TNC: variants seen among roughly 807,000 people sequenced by gnomAD.
The protein encoded by TNC is tenascin.
A neutral mutation model predicts 202.4 loss-of-function variants in TNC; 109 were observed. The ratio of observed to expected loss-of-function variants is 0.54; its 90% CI spans 0.46 to 0.63. The LOEUF (loss-of-function observed/expected upper bound fraction) is 0.63, where lower values mean the gene tolerates loss of function less well. Ranked by LOEUF, TNC falls within the 30% of genes least tolerant of loss-of-function variation. TNC has a pLI of 0.00. For missense variants in TNC, 2,756 were observed against 2,833.3 expected (o/e 0.97, Z 0.62); for synonymous variants, 1,007 against 1,089.7 (o/e 0.92, Z 1.50).
chr9:115,103,548 C>T (rs576007764), intron 1 of TNC, among the ~76,000 whole-genome samples: 2 of 152,282 alleles, frequency 1.3e-5, no homozygotes, highest in African/African-American at 2.4e-5. Flanking sequence ...GTCTGACCAA[C>T]AGGGTCATTG....
intron 18 of TNC, among the ~76,000 whole-genome samples, chr9:115,041,313 G>T (rs1216339897): frequency 2.2e-5 from 3 of 134,764 alleles, no homozygotes; most frequent in South Asian, 2.3e-4. Flanking sequence ...GAGGGGCGGG[G>T]GAAAACATGA....
chr9:115,087,979 A>C (rs1834927746), intron 2 of TNC, among the ~76,000 whole-genome samples: 1 of 152,196 alleles, frequency 6.6e-6, no homozygotes, highest in South Asian at 2.1e-4. Flanking sequence ...CTGGGATTAC[A>C]GGTGTGAGCC....
At chr9:115,048,161 G>T in intron 16 of TNC, 99 bp downstream of exon 16, 2 of 1,397,670 alleles carry the variant, frequency 1.4e-6, no homozygotes, top group Non-Finnish European at 2.0e-6. Flanking sequence ...ATTAAGTAGG[G>T]AATGTGAACA....
chr9:115,076,606 C>T (rs377515567), intron 7 of TNC, 31 bp from the exon 8 acceptor site: 46 of 1,608,856 alleles, frequency 2.9e-5, no homozygotes, highest in Non-Finnish European at 3.7e-5. Context: ...TTGTATTGAA[C>T]ATATCAGTCA....
At chr9:115,027,568 C>A (rs541262261) in intron 25 of TNC, among the ~76,000 whole-genome samples, 2 of 152,004 alleles carry the variant, frequency 1.3e-5, no homozygotes, top group Admixed American at 6.5e-5. Flanking sequence ...CCAGCCTCGG[C>A]GACAGAGTGA....
chr9:115,073,536 C>A, intron 10 of TNC, 67 bp downstream of exon 10: 1 of 1,555,924 alleles, frequency 6.4e-7, no homozygotes, highest in Non-Finnish European at 8.7e-7. Flanking sequence ...TGAGGACACC[C>A]TGGCTGAGGA....
Position 115,086,784 on chromosome 9 carries a change from G to C in TNC, c.947C>G (p.Pro316Arg). 1 of 1,613,914 alleles carries C rather than the reference G, an allele frequency of 6.2e-7. No homozygotes were observed. The highest frequency in any genetic ancestry group is 8.5e-7 in the Non-Finnish European group (1 of 1,180,008). Residue 316 changes from proline (P) to arginine (R), a missense_variant, in exon 3 of 28, where the codon CCC (proline) becomes CGC (arginine). Transcript: ENST00000350763. The part of the protein sequence containing the change: ...TGEDCSELIC[P>R]NDCFDRGRCI... ...GCGGCCCCGGTCGAAGCAGTCATTG[G>C]GGCAGATGAGCTCACTGCAGTCTTC... is the stretch of plus-strand genomic sequence containing the variant.
Position 115,078,070 on chromosome 9 carries a change from G to A in TNC, c.2547C>T (p.Ile849=), listed in dbSNP as rs753985056. The A allele has an allele frequency of 1.6e-5, 26 of 1,613,980 alleles. No individual in the cohort carries two copies. In the Admixed American group the frequency reaches 1.8e-4, roughly 11 times the overall value. ...IKDVPGDRTT[I]DLTEDENQYS... is the part of the protein sequence containing the mutation. Reference sequence around the variant, plus strand: ...ACTGGTTCTCGTCCTCTGTGAGATCGATGGTGGTACGGTCTCCTGGCACGT... The same window carrying A: ...ACTGGTTCTCGTCCTCTGTGAGATCAATGGTGGTACGGTCTCCTGGCACGT... The change falls in exon 7 of 28, where the codon ATC becomes ATT. Residue 849 remains isoleucine, a synonymous_variant. Coordinates refer to ENST00000350763, the MANE Select transcript of TNC (RefSeq NM_002160.4).
intron 17 of TNC, among the ~76,000 whole-genome samples, chr9:115,042,659 G>T (rs559736558): frequency 4.6e-5 from 7 of 152,216 alleles, no homozygotes; most frequent in East Asian, 1.9e-4. Context: ...GTTCATTTTT[G>T]ATTTTTAACA....
chr9:115,036,823 T>G (rs956659701), intron 20 of TNC, among the ~76,000 whole-genome samples: 2 of 152,168 alleles, frequency 1.3e-5, no homozygotes, highest in African/African-American at 4.8e-5. Context: ...TATTCACAGG[T>G]GACCAACCAT....
intron 27 of TNC, among the ~76,000 whole-genome samples, chr9:115,021,642 A>C (rs184432770): frequency 1.6e-4 from 24 of 152,248 alleles, no homozygotes; most frequent in Non-Finnish European, 3.2e-4. Flanking sequence ...AGCTACATAC[A>C]TGGTGTGTGT....
Position 115,020,452 on chromosome 9 carries a change from C to T in TNC, c.*705G>A. 1 of 193,230 alleles carries T rather than the reference C, an allele frequency of 5.2e-6. No individual in the cohort carries two copies. 12.0% of individuals were successfully genotyped at this position (193,230 alleles called of 1,614,324 possible). On this transcript the variant is annotated 3_prime_UTR_variant, in exon 28 of 28. Coordinates refer to ENST00000350763, the MANE Select transcript of TNC (RefSeq NM_002160.4). ...TTGACCACTATCCCTACTTACCTTT[C>T]CTATCCCAACATTCCCCGCTTTGTT...
intron 22 of TNC, among the ~76,000 whole-genome samples, chr9:115,032,967 A>G (rs770964959): frequency 2.6e-5 from 4 of 152,216 alleles, no homozygotes; most frequent in Admixed American, 6.5e-5. Flanking sequence ...ACCAAGCACA[A>G]CGATCTTCTC....
In TNC at chr9:115,046,518, G is replaced by A. The variant is rs1022827191; in HGVS notation, c.5017C>T (p.Arg1673Cys). ...CTGAGACCTGTTATGTCCCTGGTAC[G>A]TTCGGGGGCAAGTAGGGTTATTTCC... is the stretch of plus-strand genomic sequence containing the variant. ...PLEITLLAPE[R>C]TRDITGLREA... The change falls in exon 17 of 28, where the codon CGT (arginine) becomes TGT (cysteine). Residue 1673 changes from arginine (R) to cysteine (C), a missense_variant. Around this residue, in one of 2 missense-constraint regions of TNC, gnomAD observed 2,559 missense variants for 2,546.0 expected, o/e 1.01. Transcript: ENST00000350763. 30 of 1,613,988 alleles carry A rather than the reference G, an allele frequency of 1.9e-5. No homozygotes were observed. The highest frequency in any genetic ancestry group is 2.5e-5 in the Non-Finnish European group (30 of 1,180,004).
chr9:115,039,399 A>G (rs959940363), intron 19 of TNC, among the ~76,000 whole-genome samples: 2 of 152,192 alleles, frequency 1.3e-5, no homozygotes, highest in Admixed American at 6.5e-5. Context: ...TGTTATTAAG[A>G]TCTCTATTAA....
intron 6 of TNC, 48 bp from the exon 7 acceptor site, chr9:115,078,260 C>G: frequency 6.4e-7 from 1 of 1,554,556 alleles, no homozygotes; most frequent in Non-Finnish European, 8.7e-7. Flanking sequence ...GGGCCATTGC[C>G]TGAGGCTTAG....
At chr9:115,106,212 T>TG (rs1361358166) in intron 1 of TNC, among the ~76,000 whole-genome samples, 1 of 152,168 alleles carries the variant, frequency 6.6e-6, no homozygotes, top group Non-Finnish European at 1.5e-5. Flanking sequence ...TTACCAACTC[T>TG]GGGAATTAGG....
rs1285710532 is a variant in TNC, at chr9:115,026,668, G to A, written c.6197C>T (p.Ala2066Val). The A allele has an allele frequency of 1.2e-6, 2 of 1,613,924 alleles. No individual in the cohort carries two copies. The highest frequency in any genetic ancestry group is 1.7e-6 in the Non-Finnish European group (2 of 1,179,968). The change falls in exon 26 of 28, where the codon GCC becomes GTC. Residue 2066 changes from alanine to valine, a missense_variant. By Grantham distance (64) the Ala-to-Val change is moderately conservative. Around this residue, in one of 2 missense-constraint regions of TNC, gnomAD observed 197 missense variants for 287.3 expected, o/e 0.69. Coordinates refer to ENST00000350763, the MANE Select transcript of TNC (RefSeq NM_002160.4). The stretch of plus-strand genomic sequence containing the variant: ...CACCCGGAGCTCGTACTGCCCCTGG[G>A]CTGTGATTTTGTTCAGGTTGTCCAG... ...LGLDNLNKIT[A>V]QGQYELRVDL...
Position 115,086,682 on chromosome 9 carries a change from C to T in TNC, c.1049G>A (p.Cys350Tyr), listed in dbSNP as rs1489858150. The part of the protein sequence containing the change: ...DCGKPTCPHA[C>Y]HTQGRCEEGQ... Reference sequence around the variant, plus strand: ...CTCCTCACACCGGCCCTGGGTGTGGCAGGCATGTGGGCAGGTGGGTTTCCC... The same window carrying T: ...CTCCTCACACCGGCCCTGGGTGTGGTAGGCATGTGGGCAGGTGGGTTTCCC... The change falls in exon 3 of 28, where the codon TGC becomes TAC. Residue 350 changes from cysteine (C) to tyrosine (Y), a missense_variant. Physicochemically the swap from Cys to Tyr is radical, Grantham distance 194. Coordinates refer to ENST00000350763, the MANE Select transcript of TNC (RefSeq NM_002160.4). 6.2e-7 allele frequency: 1 copy of T among 1,614,168 alleles called. No homozygotes were observed. Among genetic ancestry groups the T allele is most frequent in the Non-Finnish European group, 8.5e-7 (1 of 1,180,054 alleles).
Sources: allele counts gnomAD v4.1 joint callset (sites outside exome capture counted in the v4.1 genomes callset), GRCh38; gene constraint gnomAD v4.1.1; regional missense constraint gnomAD v4.1.1; transcripts MANE v1.5; gene names NCBI Gene and HGNC (gene_info 2026-07-23, HGNC 2026-07-21).